The following RYR3 variants were observed in gnomAD, a reference collection of about 807,000 sequenced individuals.
The protein encoded by RYR3 is brain ryanodine receptor-calcium release channel.
In RYR3, 207 loss-of-function variants were observed where a neutral mutation model predicts 584.3. The ratio of observed to expected loss-of-function variants is 0.35; its 90% CI spans 0.32 to 0.40. The LOEUF (loss-of-function observed/expected upper bound fraction) is 0.40, where lower values mean the gene tolerates loss of function less well. RYR3 is among the 10% of genes least tolerant of loss of function. RYR3 has a pLI of 1.00. For missense variants in RYR3, 5,616 were observed against 6,089.2 expected (o/e 0.92, Z 2.59); for synonymous variants, 2,416 against 2,248.5 (o/e 1.07, Z -2.11).
chr15:33,466,248 G>A (rs2048479351), intron 1 of RYR3, among the ~76,000 whole-genome samples: 1 of 152,184 alleles, frequency 6.6e-6, no homozygotes, highest in African/African-American at 2.4e-5. Flanking sequence ...TGTAGCAGTA[G>A]AGGGAAGAAA....
intron 92 of RYR3, among the ~76,000 whole-genome samples, chr15:33,844,042 C>T (rs775914916): frequency 9.9e-5 from 15 of 152,174 alleles, no homozygotes; most frequent in Non-Finnish European, 2.1e-4. Flanking sequence ...GCAAGTGGGT[C>T]TTGCATGCTG....
chr15:33,510,702 C>T (rs545835372), intron 3 of RYR3, among the ~76,000 whole-genome samples: 2 of 151,630 alleles, frequency 1.3e-5, no homozygotes, highest in East Asian at 3.9e-4. Context: ...AGCTAGGAAT[C>T]ATTTTGATAA....
chr15:33,848,273 T>A lies in RYR3; in HGVS notation c.13498-18T>A. 1 of 1,612,988 alleles carries A rather than the reference T, an allele frequency of 6.2e-7. No individual in the cohort carries two copies. The highest frequency in any genetic ancestry group is 8.5e-7 in the Non-Finnish European group (1 of 1,179,804). On this transcript the variant is annotated intron_variant, in intron 93 of 103. Transcript: ENST00000634891. ...TCACAAAGCCTGCTCTGAGTAACCA[T>A]CCTCCTCCCACTCCTAGGTGCCTTT... is the stretch of plus-strand genomic sequence containing the variant.
intron 2 of RYR3, among the ~76,000 whole-genome samples, chr15:33,493,745 T>C (rs2142546517): frequency 6.6e-6 from 1 of 152,322 alleles, no homozygotes; most frequent in Non-Finnish European, 1.5e-5. Context: ...AACAAGCTTA[T>C]ACATATCTGT....
intron 3 of RYR3, among the ~76,000 whole-genome samples, chr15:33,506,114 G>T (rs939314778): frequency 2.0e-5 from 3 of 152,090 alleles, no homozygotes; most frequent in African/African-American, 7.2e-5. Context: ...TTTCCTTGTT[G>T]CAAAGAACTT....
At chr15:33,648,959 A>G (rs1279621078) in intron 30 of RYR3, 113 bp from the exon 31 acceptor site, 18 of 1,024,960 alleles carry the variant, frequency 1.8e-5, no homozygotes, top group East Asian at 2.4e-5. Context: ...ACTTTTCCAG[A>G]AAAAAAAGGG....
At chr15:33,351,315 G>T (rs537316844) in intron 1 of RYR3, among the ~76,000 whole-genome samples, 1 of 152,142 alleles carries the variant, frequency 6.6e-6, no homozygotes, top group African/African-American at 2.4e-5. Context: ...ATTCACAGCC[G>T]ATTTCTACCA....
rs140143483 is a variant in RYR3 at position 33,653,574 on chromosome 15, G to A, written c.4308+691G>A. Among the ~76,000 whole-genome samples the A allele has an allele frequency of 7.6e-3, 1,149 of 152,034 alleles. 9 individuals are homozygous for A. The highest frequency in any genetic ancestry group is 0.014 in the Middle Eastern group (4 of 294). On this transcript the variant is annotated intron_variant, in intron 32 of 103. Transcript: ENST00000634891. ...AGTCCCAGCTACTCAGGAGGCTGGG[G>A]CAGGAGAATCGCTTGAACCTGGGAG...
chr15:33,863,600 T>G (rs78061990), intron 102 of RYR3, among the ~76,000 whole-genome samples: 3 of 152,094 alleles, frequency 2.0e-5, no homozygotes, highest in South Asian at 4.1e-4. Flanking sequence ...AAACCTAAGA[T>G]ATGGATCACA....
intron 67 of RYR3, 120 bp downstream of exon 67, chr15:33,788,578 C>T (rs2074888258): frequency 9.0e-7 from 1 of 1,116,434 alleles, no homozygotes; most frequent in Non-Finnish European, 1.3e-6. Flanking sequence ...GATAGCCGCC[C>T]CCACCATTCT....
Position 33,848,421 on chromosome 15 carries a change from C to T in RYR3, c.13628C>T (p.Pro4543Leu), listed in dbSNP as rs1325751097. 1.3e-5 allele frequency: 21 copies of T among 1,611,158 alleles called. No individual in the cohort carries two copies. Among genetic ancestry groups the T allele is most frequent in the African/African-American group, 2.7e-5 (2 of 74,770 alleles). The change falls in exon 94 of 104, where the codon CCA (proline) becomes CTA (leucine). Residue 4543 changes from proline (P) to leucine (L), a missense_variant and splice_region_variant. Coordinates refer to ENST00000634891, the MANE Select transcript of RYR3 (RefSeq NM_001036.6). ...TGGGACCGCTTGGTGATCAACACAC[C>T]GTGAGTGTCCCTCTACCCCAACCTA... ...GQWDRLVINTPSFPNNYWDKF... is the reference protein window; with the variant it reads ...GQWDRLVINTLSFPNNYWDKF...
intron 2 of RYR3, among the ~76,000 whole-genome samples, chr15:33,479,718 C>T (rs1378337950): frequency 1.3e-5 from 2 of 152,082 alleles, no homozygotes; most frequent in African/African-American, 2.4e-5. Context: ...TAAAGAGTAT[C>T]GTGGATCCAG....
intron 38 of RYR3, among the ~76,000 whole-genome samples, chr15:33,687,883 C>G (rs1009111926): frequency 1.4e-4 from 22 of 152,150 alleles, no homozygotes; most frequent in Non-Finnish European, 2.9e-4. Context: ...AAACTGGATC[C>G]CTTCCTTACA....
At chr15:33,579,039 AAGAGAC>A (rs1392430547) in intron 12 of RYR3, among the ~76,000 whole-genome samples, 2 of 152,180 alleles carry the variant, frequency 1.3e-5, no homozygotes, top group African/African-American at 4.8e-5. Context: ...AAAACAGAAA[AAGAGAC>A]AGAGAAACTT....
intron 1 of RYR3, among the ~76,000 whole-genome samples, chr15:33,355,887 T>C (rs1321199983): frequency 6.6e-6 from 1 of 152,208 alleles, no homozygotes; most frequent in Admixed American, 6.5e-5. Flanking sequence ...GGCTTCTTTC[T>C]CCTTTTTCCT....
rs986253821 is a variant in RYR3, at chr15:33,843,542, T to G, written c.13264T>G (p.Phe4422Val). Residue 4422 changes from phenylalanine to valine, a missense_variant, in exon 92 of 104, where the codon TTC becomes GTC. Physicochemically the swap from Phe to Val is conservative, Grantham distance 50 (BLOSUM62 -1). Coordinates refer to ENST00000634891, the MANE Select transcript of RYR3 (RefSeq NM_001036.6). ...GAGGTTCCTTGCTCTGTTTGTAGCCTTCGCTATCAACTTCATCCTGCTTTT... is the reference window on the plus strand; with the variant it reads ...GAGGTTCCTTGCTCTGTTTGTAGCCGTCGCTATCAACTTCATCCTGCTTTT... ...NLRFLALFVA[F>V]AINFILLFYK... The G allele has an allele frequency of 6.2e-7, 1 of 1,600,930 alleles. No homozygotes were observed. The highest frequency in any genetic ancestry group is 8.5e-7 in the Non-Finnish European group (1 of 1,173,072).
chr15:33,662,544 T>C lies in RYR3; in HGVS notation c.5014T>C (p.Phe1672Leu). 6.2e-7 allele frequency: 1 copy of C among 1,613,996 alleles called. No homozygotes were observed. The highest frequency in any genetic ancestry group is 8.5e-7 in the Non-Finnish European group (1 of 1,179,888). ...KPGFRFSTPCFVVTGEDHQKQ... is the reference protein window; with the variant it reads ...KPGFRFSTPCLVVTGEDHQKQ... ...CGGGTTCAGGTTCTCCACCCCTTGC[T>C]TTGTTGTGACTGGTGAGGATCACCA... The change falls in exon 35 of 104, where the codon TTT (phenylalanine) becomes CTT (leucine). Residue 1672 changes from phenylalanine to leucine, a missense_variant. This residue lies in a region of RYR3 where 753 missense variants were observed against 741.0 expected (regional missense o/e 1.02). Coordinates refer to ENST00000634891, the MANE Select transcript of RYR3 (RefSeq NM_001036.6).
At chr15:33,573,360 C>T (rs895681601) in intron 12 of RYR3, among the ~76,000 whole-genome samples, 2 of 152,092 alleles carry the variant, frequency 1.3e-5, no homozygotes, top group Middle Eastern at 3.4e-3. Context: ...TGTGTGCACA[C>T]GGAAACCAGG....
intron 86 of RYR3, among the ~76,000 whole-genome samples, chr15:33,832,682 C>A (rs1455029605): frequency 6.7e-6 from 1 of 148,174 alleles, no homozygotes; most frequent in Non-Finnish European, 1.5e-5. Context: ...ACCCTACATA[C>A]GTATGAGTTC....
Sources: allele counts gnomAD v4.1 joint callset (sites outside exome capture counted in the v4.1 genomes callset), GRCh38; gene constraint gnomAD v4.1.1; regional missense constraint gnomAD v4.1.1; transcripts MANE v1.5; gene names NCBI Gene and HGNC (gene_info 2026-07-23, HGNC 2026-07-21).